The following DLG2 variants were observed in gnomAD, a reference collection of about 807,000 sequenced individuals.
The protein encoded by DLG2 is discs large MAGUK scaffold protein 2.
In DLG2, 45 loss-of-function variants were observed where a neutral mutation model predicts 132.5. That is an observed-to-expected ratio of 0.34 (90% CI 0.27 to 0.44). DLG2 has a LOEUF of 0.44. Ranked by LOEUF, DLG2 falls within the 20% of genes least tolerant of loss-of-function variation. The pLI, the probability that DLG2 is intolerant of heterozygous loss-of-function variation, is 1.00. For synonymous variants in DLG2, 424 were observed against 419.6 expected (o/e 1.01, Z -0.13); for missense variants, 1,045 against 1,196.9 (o/e 0.87, Z 1.87).
intron 25 of DLG2, among the ~76,000 whole-genome samples, chr11:83,467,779 A>ATG (rs2091344720): frequency 2.0e-5 from 1 of 49,552 alleles, no homozygotes; most frequent in Non-Finnish European, 4.0e-5. Flanking sequence ...ATGTATATAT[A>ATG]TATATATATA....
At position 84,492,517 on chromosome 11, in the gene DLG2, T is replaced by C. The variant is rs79875355; in HGVS notation, c.519+42053A>G. Among the ~76,000 whole-genome samples the C allele has an allele frequency of 2.2e-4, 34 of 152,328 alleles. No homozygotes were observed. In the East Asian group the frequency reaches 6.6e-3, roughly 29 times the overall value. On this transcript the variant is annotated intron_variant, in intron 7 of 27. Coordinates refer to ENST00000376104, the MANE Select transcript of DLG2 (RefSeq NM_001142699.3). ...TTTGAATACTGATTCTATCATCTAA[T>C]GTCTGTGAGACCTTACACAATATAT... is the stretch of plus-strand genomic sequence containing the variant.
intron 3 of DLG2, among the ~76,000 whole-genome samples, chr11:85,362,234 C>T (rs1189213857): frequency 6.6e-6 from 1 of 152,200 alleles, no homozygotes; most frequent in Non-Finnish European, 1.5e-5. Context: ...GAATTATACG[C>T]ATAAGCTATC....
chr11:84,615,433 G>A (rs1388339432), intron 6 of DLG2, among the ~76,000 whole-genome samples: 1 of 151,996 alleles, frequency 6.6e-6, no homozygotes, highest in Non-Finnish European at 1.5e-5. Context: ...GCTGGAAAAG[G>A]TTTTTATTTC....
At chr11:84,779,474 T>C (rs1192589074) in intron 6 of DLG2, among the ~76,000 whole-genome samples, 5 of 152,068 alleles carry the variant, frequency 3.3e-5, no homozygotes, top group Non-Finnish European at 7.4e-5. Context: ...GAGTCATTAG[T>C]TTTTTCTAAA....
intron 6 of DLG2, among the ~76,000 whole-genome samples, chr11:84,779,716 A>T (rs2071365192): frequency 6.6e-6 from 1 of 152,156 alleles, no homozygotes; most frequent in South Asian, 2.1e-4. Context: ...TGCCACAGAA[A>T]CATGAAAGTT....
chr11:84,370,712 A>G (rs1027546801), intron 7 of DLG2, among the ~76,000 whole-genome samples: 2 of 152,004 alleles, frequency 1.3e-5, no homozygotes, highest in East Asian at 3.9e-4. Context: ...GCAGTGTCTG[A>G]CTCTTTACCA....
At chr11:84,630,950 A>G (rs1233539052) in intron 6 of DLG2, among the ~76,000 whole-genome samples, 2 of 140,806 alleles carry the variant, frequency 1.4e-5, no homozygotes, top group African/African-American at 5.3e-5. Context: ...CAATTCTATG[A>G]ACTTGGTCTG....
At chr11:85,467,205 T>C (rs2092820484) in intron 3 of DLG2, among the ~76,000 whole-genome samples, 2 of 152,216 alleles carry the variant, frequency 1.3e-5, no homozygotes, top group African/African-American at 4.8e-5. Flanking sequence ...TAAGGAGATT[T>C]TGGGCTGAGA....
At chr11:83,781,638 T>C (rs777998202) in intron 18 of DLG2, among the ~76,000 whole-genome samples, 13 of 152,222 alleles carry the variant, frequency 8.5e-5, no homozygotes, top group Non-Finnish European at 1.6e-4. Context: ...CAGGCCATTC[T>C]GAAATCCTGG....
intron 3 of DLG2, among the ~76,000 whole-genome samples, chr11:85,424,812 A>G (rs777876754): frequency 6.6e-6 from 1 of 152,148 alleles, no homozygotes; most frequent in African/African-American, 2.4e-5. Flanking sequence ...CAAGGGAAAA[A>G]CAGCCCTCCA....
chr11:84,735,800 T>G (rs1040759062), intron 6 of DLG2, among the ~76,000 whole-genome samples: 2 of 152,156 alleles, frequency 1.3e-5, no homozygotes, highest in African/African-American at 4.8e-5. Context: ...CTCTACACAC[T>G]GCTAGATTCA....
At chr11:84,533,088 TCA>T (rs2099346748) in intron 7 of DLG2, among the ~76,000 whole-genome samples, 1 of 152,178 alleles carries the variant, frequency 6.6e-6, no homozygotes, top group Non-Finnish European at 1.5e-5. Context: ...CTCTGACGAG[TCA>T]TTATCCATTG....
intron 7 of DLG2, among the ~76,000 whole-genome samples, chr11:84,387,014 T>G (rs941062053): frequency 6.6e-6 from 1 of 152,124 alleles, no homozygotes; most frequent in Non-Finnish European, 1.5e-5. Context: ...TCTGAACCTC[T>G]TTTATTTAAA....
At chr11:84,749,829 G>A (rs1022215749) in intron 6 of DLG2, among the ~76,000 whole-genome samples, 10 of 152,084 alleles carry the variant, frequency 6.6e-5, no homozygotes, top group African/African-American at 1.7e-4. Context: ...TTTCCTCTAC[G>A]TGTTTAGCAC....
chr11:84,280,761 G>A (rs994493384), intron 7 of DLG2, among the ~76,000 whole-genome samples: 2 of 150,584 alleles, frequency 1.3e-5, no homozygotes, highest in Admixed American at 6.6e-5. Context: ...GCAGTGGCAC[G>A]ATCTCAGCTC....
intron 6 of DLG2, among the ~76,000 whole-genome samples, chr11:84,924,054 G>C (rs2092883851): frequency 6.6e-6 from 1 of 151,742 alleles, no homozygotes; most frequent in South Asian, 2.1e-4. Context: ...AGAAGGGAGA[G>C]AGCAAGAGAG....
At chr11:83,926,720 G>T (rs1444372846) in intron 15 of DLG2, among the ~76,000 whole-genome samples, 1 of 151,958 alleles carries the variant, frequency 6.6e-6, no homozygotes, top group African/African-American at 2.4e-5. Context: ...GTTGGATAAG[G>T]GTTTTTCTAT....
intron 7 of DLG2, among the ~76,000 whole-genome samples, chr11:84,471,906 T>C (rs1015910328): frequency 4.0e-5 from 6 of 151,788 alleles, no homozygotes; most frequent in Non-Finnish European, 8.8e-5. Context: ...GTTTTTCTTA[T>C]ACAGTTCAGC....
At chr11:84,635,790 A>G (rs888767322) in intron 6 of DLG2, among the ~76,000 whole-genome samples, 1 of 152,166 alleles carries the variant, frequency 6.6e-6, no homozygotes, top group African/African-American at 2.4e-5. Flanking sequence ...CCTCCCACCA[A>G]GATCACATAC....
Sources: gnomAD v4.1 joint callset for allele counts (sites outside exome capture counted in the v4.1 genomes callset) on GRCh38, gnomAD v4.1.1 for gene constraint, MANE v1.5 for transcripts, NCBI Gene and HGNC (gene_info 2026-07-23, HGNC 2026-07-21) for gene names.